The following SORBS2 variants were observed in gnomAD, a reference collection of about 807,000 sequenced individuals.
SORBS2 encodes the protein sorbin and SH3 domain containing 2.
A neutral mutation model predicts 97.7 loss-of-function variants in SORBS2; 46 were observed. The ratio of observed to expected loss-of-function variants is 0.47; its 90% CI spans 0.37 to 0.60. The LOEUF (loss-of-function observed/expected upper bound fraction) is 0.60, where lower values mean the gene tolerates loss of function less well. Ranked by LOEUF, SORBS2 falls within the 20% of genes least tolerant of loss-of-function variation. The pLI is 0.00. For missense variants in SORBS2, 1,316 were observed against 1,282.3 expected, an observed-to-expected ratio of 1.03 and a Z score of -0.40; for synonymous variants, 476 against 473.4, an observed-to-expected ratio of 1.01 and a Z score of -0.07.
chr4:185,742,401 T>G (rs2098732996), intron 2 of SORBS2, among the ~76,000 whole-genome samples: 1 of 152,238 alleles, frequency 6.6e-6, no homozygotes. Context: ...ATAAGGCACC[T>G]GCTTCATAGA....
intron 1 of SORBS2, among the ~76,000 whole-genome samples, chr4:185,794,852 A>T (rs1049732701): frequency 6.6e-6 from 1 of 152,060 alleles, no homozygotes; most frequent in African/African-American, 2.4e-5. Context: ...TGTGGGAAGG[A>T]TATAACAGGA....
At position 185,842,943 on chromosome 4, in the gene SORBS2, A is replaced by C. The variant is rs909743823; in HGVS notation, c.-337-67577T>G. On this transcript the variant is annotated intron_variant, in intron 1 of 20. Transcript: ENST00000284776. Reference sequence around the variant, plus strand: ...AGAAAGACTGTCTAAAAAAAAAAAAAAAAAAATTAAATTTAACATGCTTCT... The same window carrying C: ...AGAAAGACTGTCTAAAAAAAAAAAACAAAAAATTAAATTTAACATGCTTCT... Among the ~76,000 whole-genome samples, 377 of 151,854 alleles carry C rather than the reference A, an allele frequency of 2.5e-3. 1 individual carries two copies. Among genetic ancestry groups the C allele is most frequent in the African/African-American group, 7.4e-3 (307 of 41,394 alleles).
At chr4:185,908,280 T>TAG (rs2099252344) in intron 1 of SORBS2, among the ~76,000 whole-genome samples, 1 of 5,316 alleles carries the variant, frequency 1.9e-4, no homozygotes, top group Non-Finnish European at 5.3e-4. Flanking sequence ...GCAAAGGCTA[T>TAG]ATATATATAT....
In SORBS2 at chr4:185,868,088, A is replaced by G. The variant is rs190313043; in HGVS notation, c.-338+88108T>C. Among the ~76,000 whole-genome samples, 5 of 151,688 alleles carry G rather than the reference A, an allele frequency of 3.3e-5. No homozygotes were observed. The East Asian group carries it at 9.7e-4, about 30-fold the overall frequency. ...TCTAACTTCCAACAGGAATTTAGTT[A>G]GAGGGGTAGAGTAACAAATAGAAAT... On this transcript the variant is annotated intron_variant, in intron 1 of 20. Coordinates refer to the SORBS2 transcript ENST00000284776.
chr4:185,648,093 A>G (rs1271435503), intron 3 of SORBS2, among the ~76,000 whole-genome samples: 1 of 151,630 alleles, frequency 6.6e-6, no homozygotes, highest in Non-Finnish European at 1.5e-5. Flanking sequence ...TGTGCCCTAT[A>G]TGATCATCAA....
chr4:185,616,162 C>CT (rs1247336505), intron 9 of SORBS2, among the ~76,000 whole-genome samples: 5 of 152,060 alleles, frequency 3.3e-5, no homozygotes, highest in African/African-American at 4.8e-5. Context: ...ATTTTTTAAT[C>CT]TTTTTTTAAA....
At chr4:185,659,425 TA>T (rs1332276392), upstream of SORBS2, among the ~76,000 whole-genome samples, 1 of 149,962 alleles carries the variant, frequency 6.7e-6, no homozygotes, top group Non-Finnish European at 1.5e-5. Context: ...TTTACTTCTT[TA>T]TTTTTTTTGA....
Position 185,874,745 on chromosome 4 carries a change from C to T in SORBS2, c.-338+81451G>A, listed in dbSNP as rs573599016. On this transcript the variant is annotated intron_variant, in intron 1 of 20. Coordinates refer to the SORBS2 transcript ENST00000284776. ...TCAGTTACTTGCTGACACTAACCTTCCATTAGTTGTCCTTGGCTGGAATTG... is the reference window on the plus strand; with the variant it reads ...TCAGTTACTTGCTGACACTAACCTTTCATTAGTTGTCCTTGGCTGGAATTG... Among the ~76,000 whole-genome samples the T allele has an allele frequency of 2.5e-4, 37 of 147,840 alleles. 1 individual carries two copies. In the South Asian group the frequency reaches 6.4e-3, roughly 25 times the overall value.
intron 12 of SORBS2, among the ~76,000 whole-genome samples, chr4:185,599,754 G>A (rs1182202072): frequency 6.6e-6 from 1 of 152,194 alleles, no homozygotes; most frequent in Non-Finnish European, 1.5e-5. Context: ...ATCTGACCAT[G>A]TCTTTGTGGA....
chr4:185,878,600 C>T (rs896796355), intron 1 of SORBS2, among the ~76,000 whole-genome samples: 1 of 152,170 alleles, frequency 6.6e-6, no homozygotes, highest in Non-Finnish European at 1.5e-5. Context: ...ACCTCCAATG[C>T]CAAGCCTCCA....
At chr4:185,748,553 G>A (rs995348501) in intron 2 of SORBS2, among the ~76,000 whole-genome samples, 2 of 152,184 alleles carry the variant, frequency 1.3e-5, no homozygotes, top group South Asian at 2.1e-4. Context: ...AGCTTAGCAA[G>A]GGAGGCCTCA....
rs999052328 is a variant in SORBS2, at chr4:185,638,921, C to T, written c.396+7747G>A. 54 of 1,498,632 alleles carry T rather than the reference C, an allele frequency of 3.6e-5. No homozygotes were observed. The African/African-American group carries it at 6.3e-4, about 17-fold the overall frequency. The allele number at this position is 1,498,632 out of a possible 1,614,324, so 92.8% of individuals were successfully genotyped here. On this transcript the variant is annotated intron_variant, in intron 4 of 14. Transcript: ENST00000418609. ...GGGGCGCGCGAGCTTGGTGTGGGGGCGCCACTCCGGGGCGGAGGGGAGGGG... is the reference window on the plus strand; with the variant it reads ...GGGGCGCGCGAGCTTGGTGTGGGGGTGCCACTCCGGGGCGGAGGGGAGGGG...
intron 1 of SORBS2, among the ~76,000 whole-genome samples, chr4:185,786,278 G>A (rs563071328): frequency 2.1e-4 from 32 of 152,270 alleles, no homozygotes; most frequent in African/African-American, 7.5e-4. Context: ...TCGAGCAACA[G>A]CATTACCACT....
rs915683758 is a variant in SORBS2 at position 185,913,374 on chromosome 4, T to C, written c.-338+42822A>G. ...ATTCTGTCCAAACCTTTAAAAAATG[T>C]TACCATACCTTGATTTAGGTTGACC... On this transcript the variant is annotated intron_variant, in intron 1 of 20. Coordinates refer to the SORBS2 transcript ENST00000284776. 2.0e-5 allele frequency among the ~76,000 whole-genome samples: 3 copies of C among 152,200 alleles called. No individual in the cohort carries two copies. In the East Asian group the frequency reaches 5.8e-4, roughly 29 times the overall value.
At chr4:185,644,029 C>T (rs1294497190) in intron 4 of SORBS2, among the ~76,000 whole-genome samples, 1 of 152,196 alleles carries the variant, frequency 6.6e-6, no homozygotes, top group East Asian at 1.9e-4. Context: ...TTTATAGAGG[C>T]AATTGAAACG....
chr4:185,639,493 A>AG (rs2097092360), intron 4 of SORBS2, among the ~76,000 whole-genome samples: 1 of 152,276 alleles, frequency 6.6e-6, no homozygotes, highest in African/African-American at 2.4e-5. Flanking sequence ...TTCTAGTAAT[A>AG]GAAAACAGAT....
chr4:185,624,490 C>T, exon 7 of SORBS2: 8 of 1,600,572 alleles, frequency 5.0e-6, no homozygotes, highest in Non-Finnish European at 6.8e-6. Context: ...TGCTATCATC[C>T]CCACCTTTTA....
chr4:185,794,100 T>C, intron 1 of SORBS2, among the ~76,000 whole-genome samples: 1 of 152,260 alleles, frequency 6.6e-6, no homozygotes, highest in East Asian at 1.9e-4. Flanking sequence ...ATACTGTTAT[T>C]TACTGACTTT....
At chr4:185,909,817 T>G (rs1387249659) in intron 1 of SORBS2, among the ~76,000 whole-genome samples, 3 of 151,830 alleles carry the variant, frequency 2.0e-5, no homozygotes, top group Non-Finnish European at 4.4e-5. Context: ...AAGAGAAATA[T>G]TATTCAAAGA....
Sources: gnomAD v4.1 joint callset for allele counts (sites outside exome capture counted in the v4.1 genomes callset) on GRCh38, gnomAD v4.1.1 for gene constraint, MANE v1.5 for transcripts, NCBI Gene and HGNC (gene_info 2026-07-23, HGNC 2026-07-21) for gene names.